Variants in KIDINS220 observed in about 807,000 individuals in gnomAD.
KIDINS220 encodes the protein kinase D interacting substrate 220, also known as kinase D-interacting substrate of 220 kDa.
A neutral mutation model predicts 157.6 loss-of-function variants in KIDINS220; 63 were observed. The observed-to-expected ratio is 0.40, with a 90% CI of 0.33 to 0.49. KIDINS220 has a LOEUF of 0.49. Ranked by LOEUF, KIDINS220 falls within the 20% of genes least tolerant of loss-of-function variation. The pLI, the probability that KIDINS220 is intolerant of heterozygous loss-of-function variation, is 0.66. For synonymous variants in KIDINS220, 732 were observed against 783.6 expected, an observed-to-expected ratio of 0.93 and a Z score of 1.10; for missense variants, 1,772 against 2,171.2, an observed-to-expected ratio of 0.82 and a Z score of 3.65.
At position 8,731,279 on chromosome 2, in the gene KIDINS220, G is replaced by A. The variant is rs1422466457; in HGVS notation, c.4757C>T (p.Ser1586Leu). 1 of 1,614,064 alleles carries A rather than the reference G, an allele frequency of 6.2e-7. No homozygotes were observed. The highest frequency in any genetic ancestry group is 8.5e-7 in the Non-Finnish European group (1 of 1,180,034). ...ALLDKKDSSDSGVRSSESSPN... is the reference protein window; with the variant it reads ...ALLDKKDSSDLGVRSSESSPN... ...AGAACTTTCACTGGATCTCACTCCT[G>A]AATCCGATGAATCCTTTTTGTCAAG... Residue 1586 changes from serine to leucine, a missense_variant, in exon 30 of 30, where the codon TCA (serine) becomes TTA (leucine). Physicochemically the swap from Ser to Leu is moderately radical, Grantham distance 145. This residue lies in a region of KIDINS220 where 793 missense variants were observed against 885.5 expected (regional missense o/e 0.90). Transcript: ENST00000256707. This position sits in a 1 kb window ranked among gnomAD's most constrained non-coding sequence, Gnocchi z 5.2.
chr2:8,761,526 C>G (rs1055857025), intron 22 of KIDINS220, among the ~76,000 whole-genome samples: 4 of 151,954 alleles, frequency 2.6e-5, no homozygotes, highest in African/African-American at 9.7e-5. Context: ...AAAAGTAGTA[C>G]AACACTTAAA....
At chr2:8,800,700 T>C (rs1674569730) in intron 8 of KIDINS220, among the ~76,000 whole-genome samples, 1 of 152,164 alleles carries the variant, frequency 6.6e-6, no homozygotes, top group Non-Finnish European at 1.5e-5. Context: ...CAGAGGACTT[T>C]ATGCCCCAAA....
At chr2:8,812,538 G>T in intron 5 of KIDINS220, 45 bp from the exon 6 acceptor site, 1 of 1,122,680 alleles carries the variant, frequency 8.9e-7, no homozygotes, top group Non-Finnish European at 1.3e-6. Context: ...AAGTAGGAAG[G>T]AAGGAAAGAA....
intron 1 of KIDINS220, among the ~76,000 whole-genome samples, chr2:8,831,786 T>G (rs1679663435): frequency 6.6e-6 from 1 of 152,202 alleles, no homozygotes. Context: ...CAGCCAGACT[T>G]GGTGTTCTAA....
At chr2:8,741,067 T>C (rs1002372201) in intron 26 of KIDINS220, among the ~76,000 whole-genome samples, 10 of 152,224 alleles carry the variant, frequency 6.6e-5, no homozygotes, top group Non-Finnish European at 4.4e-5. Context: ...AATAGGTTTT[T>C]AAAAAGCTGT....
At chr2:8,732,624 AAGG>A (rs1664284374) in intron 29 of KIDINS220, among the ~76,000 whole-genome samples, 1 of 152,256 alleles carries the variant, frequency 6.6e-6, no homozygotes, top group African/African-American at 2.4e-5. Flanking sequence ...GAGGAAAAAG[AAGG>A]AGAAGAATCA....
chr2:8,747,945 T>A lies in KIDINS220; in HGVS notation c.3470A>T (p.His1157Leu). The A allele has an allele frequency of 1.2e-6, 2 of 1,606,404 alleles. No individual in the cohort carries two copies. The highest frequency in any genetic ancestry group is 1.7e-6 in the Non-Finnish European group (2 of 1,176,922). Residue 1157 changes from histidine (H) to leucine (L), a missense_variant, in exon 25 of 30, where the codon CAT becomes CTT. Physicochemically the swap from His to Leu is moderately conservative, Grantham distance 99. Transcript: ENST00000256707. ...TTTTACTGATGGACGTGAGATGAGA[T>A]GTTGGGAGCCGCCAGGGTAATACCT... ...TPRYYPGGSQ[H>L]LISRPSVKTS... is the part of the protein sequence containing the mutation.
chr2:8,740,172 C>T, intron 26 of KIDINS220: 2 of 984,226 alleles, frequency 2.0e-6, no homozygotes, highest in Non-Finnish European at 2.4e-6. Context: ...TTGTTAAACC[C>T]AGAGTCACAC....
intron 4 of KIDINS220, 87 bp downstream of exon 4, chr2:8,817,531 T>C: frequency 1.3e-6 from 1 of 755,514 alleles, no homozygotes; most frequent in Non-Finnish European, 2.0e-6. Flanking sequence ...ATAATATCAT[T>C]TCACACATAA....
chr2:8,780,522 G>GTGTGTGTGTGTGTGTGTGTC (rs1671549965), intron 17 of KIDINS220, among the ~76,000 whole-genome samples: 1 of 9,630 alleles, frequency 1.0e-4, no homozygotes, highest in Admixed American at 1.1e-3. Flanking sequence ...GTGTGTGTCT[G>GTGTGTGTGTGTGTGTGTGTC]TGTGTGTGTG....
At chr2:8,728,635 G>T (rs533401973), downstream of KIDINS220, among the ~76,000 whole-genome samples, 1 of 152,356 alleles carries the variant, frequency 6.6e-6, no homozygotes, top group Admixed American at 6.5e-5. Flanking sequence ...CCAGGTTCTG[G>T]ATAACCTACC....
intron 22 of KIDINS220, chr2:8,757,861 CTTTG>C: frequency 5.3e-6 from 7 of 1,317,794 alleles, no homozygotes; most frequent in Non-Finnish European, 7.5e-6. Context: ...TGTATGTTTT[CTTTG>C]TTGGTTTTGT....
intron 6 of KIDINS220, among the ~76,000 whole-genome samples, chr2:8,810,120 T>C (rs752557265): frequency 4.6e-5 from 7 of 152,162 alleles, no homozygotes; most frequent in Non-Finnish European, 8.8e-5. Flanking sequence ...GGATGTAAAC[T>C]CTACCCTTTC....
At chr2:8,811,572 T>TTA (rs1045039363) in intron 6 of KIDINS220, among the ~76,000 whole-genome samples, 7 of 152,098 alleles carry the variant, frequency 4.6e-5, no homozygotes, top group African/African-American at 1.4e-4. Context: ...TCACAGAACA[T>TTA]TAGACAATCG....
intron 6 of KIDINS220, among the ~76,000 whole-genome samples, chr2:8,807,264 A>AT (rs1675584942): frequency 6.6e-6 from 1 of 152,220 alleles, no homozygotes. Flanking sequence ...GCATCCAGGA[A>AT]TATAAATCAT....
Position 8,747,945 on chromosome 2 carries a change from T to C in KIDINS220, c.3470A>G (p.His1157Arg), listed in dbSNP as rs1213726320. Residue 1157 changes from histidine to arginine, a missense_variant, in exon 25 of 30, where the codon CAT becomes CGT. Around this residue, in one of 3 missense-constraint regions of KIDINS220, gnomAD observed 793 missense variants for 885.5 expected, o/e 0.90. Transcript: ENST00000256707. Reference protein sequence around the residue: ...TPRYYPGGSQHLISRPSVKTS... With the variant: ...TPRYYPGGSQRLISRPSVKTS... The stretch of plus-strand genomic sequence containing the variant: ...TTTTACTGATGGACGTGAGATGAGA[T>C]GTTGGGAGCCGCCAGGGTAATACCT... 6.2e-7 allele frequency: 1 copy of C among 1,606,404 alleles called. No homozygotes were observed. Among genetic ancestry groups the C allele is most frequent in the Non-Finnish European group, 8.5e-7 (1 of 1,176,922 alleles).
intron 3 of KIDINS220, 62 bp downstream of exon 3, chr2:8,818,633 A>G: frequency 9.5e-7 from 1 of 1,048,532 alleles, no homozygotes; most frequent in South Asian, 1.5e-5. Flanking sequence ...TCACTTCTGA[A>G]AAACAAAAAA....
intron 18 of KIDINS220, 70 bp from the exon 19 acceptor site, chr2:8,779,209 A>G: frequency 6.5e-7 from 1 of 1,539,788 alleles, no homozygotes; most frequent in Non-Finnish European, 8.8e-7. Flanking sequence ...CATCTCTTCA[A>G]AATATGTGCT....
chr2:8,756,331 C>T (rs769394206), intron 22 of KIDINS220, among the ~76,000 whole-genome samples: 1 of 152,158 alleles, frequency 6.6e-6, no homozygotes, highest in Non-Finnish European at 1.5e-5. Context: ...CTGTATCCTG[C>T]AAACTTTGCT....
Sources: gnomAD v4.1 joint callset for allele counts (sites outside exome capture counted in the v4.1 genomes callset) on GRCh38, gnomAD v4.1.1 for gene constraint, gnomAD v4.1.1 regional missense constraint, Gnocchi (gnomAD v3.1) non-coding constraint, MANE v1.5 for transcripts, NCBI Gene and HGNC (gene_info 2026-07-23, HGNC 2026-07-21) for gene names.